SLC11A2: variants seen among roughly 807,000 people sequenced by gnomAD.
SLC11A2 encodes the protein solute carrier family 11 member 2.
Under a neutral mutation model 68.0 loss-of-function variants are expected in SLC11A2, and 38 were observed. That is an observed-to-expected ratio of 0.56 (90% CI 0.43 to 0.73). The LOEUF (loss-of-function observed/expected upper bound fraction) is 0.73, where lower values mean the gene tolerates loss of function less well. Ranked by LOEUF, SLC11A2 falls within the 30% of genes least tolerant of loss-of-function variation. The pLI is 0.00. For missense variants in SLC11A2, 517 were observed against 690.5 expected (o/e 0.75, Z 2.82); for synonymous variants, 242 against 250.6 (o/e 0.97, Z 0.32).
chr12:50,952,886 C>A, the SLC11A2 span, among the ~76,000 whole-genome samples: 1 of 152,196 alleles, frequency 6.6e-6, no homozygotes, highest in Non-Finnish European at 1.5e-5. Context: ...TCTTTCCCCT[C>A]AATTTTGGGC....
chr12:51,021,732 T>C (rs1019985085), intron 1 of SLC11A2, among the ~76,000 whole-genome samples: 4 of 151,780 alleles, frequency 2.6e-5, no homozygotes, highest in African/African-American at 9.7e-5. Context: ...AACCTGACAT[T>C]GAGACCATCT....
chr12:51,015,620 T>C (rs1343829557), intron 1 of SLC11A2, among the ~76,000 whole-genome samples: 2 of 152,142 alleles, frequency 1.3e-5, no homozygotes, highest in African/African-American at 4.8e-5. Flanking sequence ...ACAGTTTTGC[T>C]CTCCAGGGCT....
chr12:50,972,454 A>T, the SLC11A2 span, among the ~76,000 whole-genome samples: 3 of 152,256 alleles, frequency 2.0e-5, no homozygotes, highest in Non-Finnish European at 4.4e-5. Context: ...ACTTAGAAGG[A>T]AAGTGGTCAC....
In SLC11A2 at chr12:50,988,398, A is replaced by T; in HGVS notation, c.1613T>A (p.Leu538Gln). 1 of 1,614,064 alleles carries T rather than the reference A, an allele frequency of 6.2e-7. No individual in the cohort carries two copies. Among genetic ancestry groups the T allele is most frequent in the South Asian group, 1.1e-5 (1 of 91,088 alleles). The change falls in exon 16 of 16, where the codon CTG becomes CAG. Residue 538 changes from leucine to glutamine, a missense_variant. Transcript: ENST00000262052. ...GATGCTTACCGTATGCCCACAGTCCAGGAAGGACATGCCCAGTGCAATCAA... is the reference window on the plus strand; with the variant it reads ...GATGCTTACCGTATGCCCACAGTCCTGGAAGGACATGCCCAGTGCAATCAA... ...QCLIALGMSF[L>Q]DCGHTVSISK...
In SLC11A2 at chr12:50,986,507, G is replaced by A; in HGVS notation, c.*1818C>T. 2.3e-6 allele frequency: 3 copies of A among 1,284,896 alleles called. No individual in the cohort carries two copies. The highest frequency in any genetic ancestry group is 2.3e-5 in the Admixed American group (1 of 43,526). The allele number at this position is 1,284,896 out of a possible 1,614,324, so 79.6% of individuals were successfully genotyped here. A position where few individuals can be genotyped will look rare whatever the true frequency, so the allele number is the denominator to read the frequency against. ...TAGGCTCCTAAATGCTTGTAAATCT[G>A]AGACTGACTGGACCCACCCAGACCC... On this transcript the variant is annotated 3_prime_UTR_variant, in exon 16 of 16. Transcript: ENST00000262052.
rs1941219526 is a variant in SLC11A2, at chr12:50,992,181, C to T, written c.1347+9G>A. 3.1e-6 allele frequency: 5 copies of T among 1,613,560 alleles called. No homozygotes were observed. The highest frequency in any genetic ancestry group is 4.2e-6 in the Non-Finnish European group (5 of 1,179,674). On this transcript the variant is annotated intron_variant, in intron 13 of 15. Transcript: ENST00000262052. ...TAACTAGGATGTGTTTCCTCAGCTT[C>T]CTCCTCACCTGTAAGCTCTGTAGAA...
At chr12:51,011,589 G>A (rs1355516637) in intron 1 of SLC11A2, among the ~76,000 whole-genome samples, 5 of 136,684 alleles carry the variant, frequency 3.7e-5, no homozygotes, top group Non-Finnish European at 7.7e-5. Flanking sequence ...TTTAGACGGA[G>A]TCTCACTCTG....
intron 11 of SLC11A2, 71 bp from the exon 12 acceptor site, chr12:50,993,000 C>G: frequency 6.3e-7 from 1 of 1,582,706 alleles, no homozygotes; most frequent in Non-Finnish European, 8.7e-7. Flanking sequence ...AACAGCAGTT[C>G]CCTGTGGCAT....
At chr12:50,960,881 T>A in the SLC11A2 span, 1 of 1,179,958 alleles carries the variant, frequency 8.5e-7, no homozygotes, top group East Asian at 2.8e-5. Flanking sequence ...GGTCTTGCTA[T>A]GTTGCCCAGG....
chr12:50,974,457 C>G (rs1939822584), downstream of SLC11A2, among the ~76,000 whole-genome samples: 1 of 152,128 alleles, frequency 6.6e-6, no homozygotes, highest in Non-Finnish European at 1.5e-5. Flanking sequence ...TCTGTCACCA[C>G]CAGGCCTGCC....
In SLC11A2 at chr12:50,990,937, A is replaced by G. The variant is rs1382916920; in HGVS notation, c.1433T>C (p.Ile478Thr). The G allele has an allele frequency of 6.2e-7, 1 of 1,614,026 alleles. No individual in the cohort carries two copies. Among genetic ancestry groups the G allele is most frequent in the South Asian group, 1.1e-5 (1 of 91,084 alleles). Residue 478 changes from isoleucine to threonine, a missense_variant, in exon 15 of 16, where the codon ATT becomes ACT. Ile to Thr is a moderately conservative substitution (Grantham distance 89). Coordinates refer to ENST00000262052, the MANE Select transcript of SLC11A2 (RefSeq NM_000617.3). ...SDFANGLGWR[I>T]AGGILVLIIC... ...GATAAGGACCAAGATTCCTCCTGCA[A>G]TCCGCCAGCCTCTGTAAAAGAAATC...
the SLC11A2 span, among the ~76,000 whole-genome samples, chr12:50,965,287 ATT>A: frequency 9.7e-5 from 13 of 134,512 alleles, no homozygotes; most frequent in Non-Finnish European, 1.1e-4. Context: ...CTAATTTTTA[ATT>A]TTTTTTTTTT....
downstream of SLC11A2, among the ~76,000 whole-genome samples, chr12:50,977,575 C>T (rs556215895): frequency 1.1e-3 from 165 of 152,244 alleles, 3 homozygotes; most frequent in East Asian, 0.03. Context: ...CCATTCAGGA[C>T]ATAGGCATGG....
the SLC11A2 span, among the ~76,000 whole-genome samples, chr12:50,964,014 GGAT>G: frequency 6.6e-6 from 1 of 152,130 alleles, no homozygotes; most frequent in Non-Finnish European, 1.5e-5. Context: ...ATACGTCTTT[GGAT>G]GATGATGATT....
the SLC11A2 span, among the ~76,000 whole-genome samples, chr12:50,964,091 T>C: frequency 6.6e-6 from 1 of 152,306 alleles, no homozygotes; most frequent in East Asian, 1.9e-4. Flanking sequence ...GATATAAGGT[T>C]GAATCCTATT....
At chr12:51,028,789 G>A (rs1944473859), upstream of SLC11A2, among the ~76,000 whole-genome samples, 2 of 152,110 alleles carry the variant, frequency 1.3e-5, no homozygotes, top group African/African-American at 2.4e-5. Flanking sequence ...TTATCCCTCG[G>A]GATCTAAAGG....
At position 51,010,799 on chromosome 12, in the gene SLC11A2, G is replaced by A. The variant is rs746629602; in HGVS notation, c.-38-33C>T. On this transcript the variant is annotated intron_variant, in intron 1 of 15. Transcript: ENST00000262052. ...GGAGAAAAGTGAGGGAGAAGAATTA[G>A]GAAGAACAAACTAACAAGTTCAGAA... 7 of 1,277,882 alleles carry A rather than the reference G, an allele frequency of 5.5e-6. No individual in the cohort carries two copies. In the African/African-American group the frequency reaches 7.3e-5, roughly 13 times the overall value. The allele number at this position is 1,277,882 out of a possible 1,614,324, so 79.2% of individuals were successfully genotyped here. A position where few individuals can be genotyped will look rare whatever the true frequency, so the allele number is the denominator to read the frequency against.
intron 11 of SLC11A2, among the ~76,000 whole-genome samples, chr12:50,993,718 CT>C (rs1941415391): frequency 6.6e-6 from 1 of 151,818 alleles, no homozygotes; most frequent in Admixed American, 6.6e-5. Flanking sequence ...ATCCTATCTA[CT>C]TGGGAGGCTG....
chr12:50,982,938 C>CA (rs34727368), downstream of SLC11A2, among the ~76,000 whole-genome samples: 19,527 of 89,778 alleles, frequency 0.22, 1,712 homozygotes, highest in South Asian at 0.33. Context: ...GAGACTCCGT[C>CA]AAAAAAAAAA....
Sources: allele counts gnomAD v4.1 joint callset (sites outside exome capture counted in the v4.1 genomes callset), GRCh38; gene constraint gnomAD v4.1.1; transcripts MANE v1.5; gene names NCBI Gene and HGNC (gene_info 2026-07-23, HGNC 2026-07-21).